Variants in STXBP5L observed in about 807,000 individuals in gnomAD.
STXBP5L encodes syntaxin binding protein 5L.
STXBP5L carries 65 observed loss-of-function variants against 144.5 expected under a neutral mutation model. The ratio of observed to expected loss-of-function variants is 0.45; its 90% confidence interval spans 0.37 to 0.55. The LOEUF is 0.55. Among genes scored for constraint, STXBP5L ranks in the 20% least tolerant of loss-of-function variants. STXBP5L has a pLI of 0.00. For missense variants in STXBP5L, 1,298 were observed against 1,405.5 expected (o/e 0.92, Z 1.22); for synonymous variants, 505 against 469.6 (o/e 1.08, Z -0.97).
chr3:121,174,875 G>A (rs1302812579), intron 9 of STXBP5L, among the ~76,000 whole-genome samples: 1 of 152,056 alleles, frequency 6.6e-6, no homozygotes, highest in Admixed American at 6.6e-5. Flanking sequence ...TGTAGAGGAA[G>A]AAGAGTAACA....
intron 14 of STXBP5L, among the ~76,000 whole-genome samples, chr3:121,244,467 CAGAG>C (rs906934894): frequency 6.7e-6 from 1 of 149,296 alleles, no homozygotes; most frequent in Non-Finnish European, 1.5e-5. Flanking sequence ...GAGAGAGAGA[CAGAG>C]AGAGAGAGAA....
chr3:121,053,969 A>C (rs1311403445), intron 5 of STXBP5L, among the ~76,000 whole-genome samples: 1 of 152,222 alleles, frequency 6.6e-6, no homozygotes, highest in African/African-American at 2.4e-5. Flanking sequence ...ACATTTATGC[A>C]GCCAAAAGAC....
chr3:121,172,457 AG>A (rs1307301112), intron 9 of STXBP5L, among the ~76,000 whole-genome samples: 1 of 152,236 alleles, frequency 6.6e-6, no homozygotes, highest in African/African-American at 2.4e-5. Flanking sequence ...GCTAATATCT[AG>A]AATCTACAAG....
At chr3:120,961,492 C>G (rs546635181) in intron 3 of STXBP5L, among the ~76,000 whole-genome samples, 161 of 152,164 alleles carry the variant, frequency 1.1e-3, no homozygotes, top group African/African-American at 3.8e-3. Context: ...TCTCATTGTT[C>G]AATTCCCCTC....
chr3:121,036,455 G>A (rs1405647349), intron 3 of STXBP5L, among the ~76,000 whole-genome samples: 1 of 151,930 alleles, frequency 6.6e-6, no homozygotes, highest in Admixed American at 6.6e-5. Context: ...TTCCTTTCCA[G>A]CCTGCATGCT....
intron 19 of STXBP5L, chr3:121,282,367 C>A: frequency 6.3e-7 from 1 of 1,592,138 alleles, no homozygotes; most frequent in Non-Finnish European, 8.6e-7. Flanking sequence ...GGCAAATAGC[C>A]TTTTTAAGAC....
At chr3:120,976,374 T>C (rs1559938128) in intron 3 of STXBP5L, among the ~76,000 whole-genome samples, 1 of 152,220 alleles carries the variant, frequency 6.6e-6, no homozygotes, top group Non-Finnish European at 1.5e-5. Context: ...TGTATTTCTG[T>C]GGGATTGGTG....
chr3:121,040,265 G>A (rs1253649046), intron 3 of STXBP5L, among the ~76,000 whole-genome samples: 2 of 152,050 alleles, frequency 1.3e-5, no homozygotes, highest in Non-Finnish European at 2.9e-5. Flanking sequence ...ATGTGGAACA[G>A]TTTGATCCTT....
intron 5 of STXBP5L, among the ~76,000 whole-genome samples, chr3:121,089,073 C>A: frequency 1.1e-5 from 1 of 93,490 alleles, no homozygotes; most frequent in African/African-American, 4.6e-5. Flanking sequence ...GCACATGTAC[C>A]CTAAAACTTA....
At chr3:121,237,343 T>C (rs74445337) in intron 12 of STXBP5L, among the ~76,000 whole-genome samples, 2,280 of 152,226 alleles carry the variant, frequency 0.015, 65 homozygotes, top group South Asian at 0.1. Context: ...ATTTGAGCCA[T>C]AGTGGGAGCT....
At position 121,034,496 on chromosome 3, in the gene STXBP5L, ATC is replaced by A. The variant is rs1387646451; in HGVS notation, c.288-7198_288-7197del. Reference sequence around the variant, plus strand: ...ATGGCTGAATAGTATTCCATTATATATCTCTCTATATAGCTGTACCTATATCA... The same window carrying A: ...ATGGCTGAATAGTATTCCATTATATATCTCTATATAGCTGTACCTATATCA... On this transcript the variant is annotated intron_variant, in intron 3 of 26. Coordinates refer to ENST00000471454, the MANE Select transcript of STXBP5L (RefSeq NM_001308330.2). Among the ~76,000 whole-genome samples, 6 of 152,160 alleles carry A rather than the reference ATC, an allele frequency of 3.9e-5. No homozygotes were observed. In the South Asian group the frequency reaches 8.3e-4, roughly 21 times the overall value.
At chr3:121,312,478 T>TA (rs1559963271) in intron 19 of STXBP5L, among the ~76,000 whole-genome samples, 2 of 89,218 alleles carry the variant, frequency 2.2e-5, no homozygotes, top group Non-Finnish European at 4.5e-5. Flanking sequence ...TTTTTTTTTT[T>TA]ATTGATCATT....
At chr3:121,020,236 GA>G (rs1030812034) in intron 3 of STXBP5L, among the ~76,000 whole-genome samples, 1 of 151,372 alleles carries the variant, frequency 6.6e-6, no homozygotes, top group Non-Finnish European at 1.5e-5. Flanking sequence ...AAAGAAAAAA[GA>G]AAAAAAATGC....
chr3:121,069,069 C>G (rs2041686418), intron 5 of STXBP5L, among the ~76,000 whole-genome samples: 1 of 152,176 alleles, frequency 6.6e-6, no homozygotes, highest in East Asian at 1.9e-4. Context: ...ACTCATGTAA[C>G]AACCACTATA....
chr3:120,959,756 A>G (rs1214340491), intron 3 of STXBP5L, among the ~76,000 whole-genome samples: 4 of 152,356 alleles, frequency 2.6e-5, no homozygotes, highest in Admixed American at 6.5e-5. Flanking sequence ...AAATTAATTC[A>G]AGATGGATTA....
chr3:121,322,388 G>A (rs2044000518), intron 20 of STXBP5L, among the ~76,000 whole-genome samples: 1 of 148,156 alleles, frequency 6.7e-6, no homozygotes, highest in Non-Finnish European at 1.5e-5. Context: ...TGAGGCAGGA[G>A]AATCACTTGA....
At chr3:120,912,201 A>T (rs1051144314) in intron 2 of STXBP5L, among the ~76,000 whole-genome samples, 1 of 151,846 alleles carries the variant, frequency 6.6e-6, no homozygotes. Context: ...TGATCTCTTT[A>T]CTTCTAGTTT....
At chr3:121,254,760 T>C (rs1325658734) in intron 15 of STXBP5L, 135 bp from the exon 16 acceptor site, 3 of 750,684 alleles carry the variant, frequency 4.0e-6, no homozygotes, top group Non-Finnish European at 6.3e-6. Flanking sequence ...CATTGAATGC[T>C]TTACTGGTTA....
At chr3:121,296,945 T>C (rs987565660) in intron 19 of STXBP5L, among the ~76,000 whole-genome samples, 1 of 152,148 alleles carries the variant, frequency 6.6e-6, no homozygotes, top group Non-Finnish European at 1.5e-5. Flanking sequence ...GGGGTAATTA[T>C]AGAATTTAAC....
Sources: allele counts gnomAD v4.1 joint callset (sites outside exome capture counted in the v4.1 genomes callset), GRCh38; gene constraint gnomAD v4.1.1; transcripts MANE v1.5; gene names NCBI Gene and HGNC (gene_info 2026-07-23, HGNC 2026-07-21).